The following SORBS2 variants were observed in gnomAD, a reference collection of about 807,000 sequenced individuals.
The protein encoded by SORBS2 is sorbin and SH3 domain-containing protein 2.
SORBS2 carries 46 observed loss-of-function variants against 97.7 expected under a neutral mutation model. That is an observed-to-expected ratio of 0.47 (90% CI 0.37 to 0.60). The LOEUF is 0.60. SORBS2 is among the 20% of genes least tolerant of loss of function. The pLI is 0.00. For missense variants in SORBS2, 1,316 were observed against 1,282.3 expected, an observed-to-expected ratio of 1.03 and a Z score of -0.40; for synonymous variants, 476 against 473.4, an observed-to-expected ratio of 1.01 and a Z score of -0.07.
Position 185,770,969 on chromosome 4 carries a change from C to T in SORBS2, c.-198+4258G>A, listed in dbSNP as rs1225183185. The T allele has an allele frequency of 6.5e-5, 7 of 107,354 alleles. No individual in the cohort carries two copies. The South Asian group carries it at 1.0e-3, about 15-fold the overall frequency. 6.7% of individuals were successfully genotyped at this position (107,354 alleles called of 1,614,324 possible). A position where few individuals can be genotyped will look rare whatever the true frequency, so the allele number is the denominator to read the frequency against. ...TTAATCCTTTCCCTGGCATTTTCAT[C>T]GTTTCCTTTTTTTTTTTTTTTTTTT... On this transcript the variant is annotated intron_variant, in intron 2 of 20. Coordinates refer to the SORBS2 transcript ENST00000284776.
At chr4:185,827,252 T>C (rs1335981434) in intron 1 of SORBS2, among the ~76,000 whole-genome samples, 2 of 49,584 alleles carry the variant, frequency 4.0e-5, no homozygotes, top group African/African-American at 6.5e-5. Context: ...ACCACCATCA[T>C]CATCACCATC....
At chr4:185,674,060 C>T (rs2097759259) in intron 4 of SORBS2, among the ~76,000 whole-genome samples, 1 of 152,196 alleles carries the variant, frequency 6.6e-6, no homozygotes, top group African/African-American at 2.4e-5. Context: ...TGATCTCACT[C>T]TGTCTCATGG....
chr4:185,662,931 C>G (rs2097542077), intron 4 of SORBS2, among the ~76,000 whole-genome samples: 1 of 152,040 alleles, frequency 6.6e-6, no homozygotes, highest in Non-Finnish European at 1.5e-5. Context: ...ATTTTATATC[C>G]CCAATGGTAT....
chr4:185,646,402 C>T (rs1050787946), intron 4 of SORBS2: 18 of 310,836 alleles, frequency 5.8e-5, no homozygotes, highest in African/African-American at 3.1e-4. Context: ...TGTATATACA[C>T]CTGCATGTGT....
intron 2 of SORBS2, among the ~76,000 whole-genome samples, chr4:185,695,620 G>C (rs898342635): frequency 6.6e-6 from 1 of 151,942 alleles, no homozygotes; most frequent in African/African-American, 2.4e-5. Flanking sequence ...GGGATCATTT[G>C]TAGCACTCTC....
chr4:185,600,432 G>A (rs887858247), intron 12 of SORBS2, among the ~76,000 whole-genome samples: 29 of 152,220 alleles, frequency 1.9e-4, no homozygotes, highest in African/African-American at 6.0e-4. Flanking sequence ...TCCATCTCCC[G>A]GGTTCGAGCG....
At chr4:185,941,979 G>A (rs2871496) in intron 1 of SORBS2, among the ~76,000 whole-genome samples, 108,364 of 151,716 alleles carry the variant, frequency 0.71, 39,172 homozygotes, top group East Asian at 0.93. Context: ...TGCCAGGTGT[G>A]GTTGTGCACG....
intron 1 of SORBS2, among the ~76,000 whole-genome samples, chr4:185,866,013 G>T (rs1278961722): frequency 2.0e-5 from 3 of 152,196 alleles, no homozygotes; most frequent in Non-Finnish European, 2.9e-5. Context: ...AGGAAATGCA[G>T]GTTTTGATAT....
At chr4:185,639,721 T>A (rs1348128478) in intron 4 of SORBS2, among the ~76,000 whole-genome samples, 1 of 152,160 alleles carries the variant, frequency 6.6e-6, no homozygotes, top group Non-Finnish European at 1.5e-5. Flanking sequence ...TAAGAAAAAT[T>A]ATATGGTTCC....
intron 1 of SORBS2, among the ~76,000 whole-genome samples, chr4:185,903,194 G>A (rs956629324): frequency 1.6e-4 from 25 of 152,144 alleles, no homozygotes; most frequent in African/African-American, 6.0e-4. Context: ...TGATTTTGGG[G>A]GGGCATGCCA....
intron 1 of SORBS2, among the ~76,000 whole-genome samples, chr4:185,867,170 C>A (rs1371940678): frequency 6.6e-6 from 1 of 152,110 alleles, no homozygotes; most frequent in Non-Finnish European, 1.5e-5. Context: ...CACCACCACA[C>A]TCGGCTAATT....
At chr4:185,771,374 G>C (rs1429814694) in intron 2 of SORBS2, 1 of 152,188 alleles carries the variant, frequency 6.6e-6, no homozygotes, top group African/African-American at 2.4e-5. Context: ...TGGTTAGTGA[G>C]AGCTTCCTTG....
chr4:185,804,990 C>T lies in SORBS2; in HGVS notation c.-337-29624G>A, dbSNP rs187047329. Among the ~76,000 whole-genome samples, 373 of 152,054 alleles carry T rather than the reference C, an allele frequency of 2.5e-3. 1 individual carries two copies. Among genetic ancestry groups the T allele is most frequent in the African/African-American group, 8.7e-3 (363 of 41,510 alleles). On this transcript the variant is annotated intron_variant, in intron 1 of 20. Transcript: ENST00000284776. ...TCAATTTTATAACTCTGGATTTAAA[C>T]TTTTCTTTCTTATTCTTTTTTATTT...
exon 5 of SORBS2, chr4:185,662,223 C>T: frequency 6.2e-7 from 1 of 1,610,988 alleles, no homozygotes; most frequent in Non-Finnish European, 8.5e-7. Context: ...TCCTGAGTTT[C>T]CATTCACTGT....
intron 2 of SORBS2, among the ~76,000 whole-genome samples, chr4:185,694,723 T>TTTTTTTTTTTTTTTTTTC (rs1489055314): frequency 6.8e-6 from 1 of 147,472 alleles, no homozygotes; most frequent in Non-Finnish European, 1.5e-5. Context: ...TTTCTTTTTT[T>TTTTTTTTTTTTTTTTTTC]TGAGACGGAG....
intron 1 of SORBS2, among the ~76,000 whole-genome samples, chr4:185,803,068 A>G (rs933339789): frequency 6.6e-6 from 1 of 152,118 alleles, no homozygotes; most frequent in Non-Finnish European, 1.5e-5. Flanking sequence ...ATTGGTAACA[A>G]ATACTTAGAG....
At chr4:185,860,484 G>A (rs769267033) in intron 1 of SORBS2, among the ~76,000 whole-genome samples, 14 of 152,162 alleles carry the variant, frequency 9.2e-5, no homozygotes, top group Non-Finnish European at 1.6e-4. Flanking sequence ...GAAGAGTTGT[G>A]GGAGCATCTG....
At chr4:185,678,626 C>A in intron 3 of SORBS2, 79 bp from the exon 7 acceptor site, 8 of 1,404,990 alleles carry the variant, frequency 5.7e-6, no homozygotes, top group East Asian at 2.5e-5. Context: ...ATTTTTATTT[C>A]CAAAATCATT....
chr4:185,842,930 T>TAAAAAAAAAAA (rs56193107), intron 1 of SORBS2, among the ~76,000 whole-genome samples: 1 of 122,386 alleles, frequency 8.2e-6, no homozygotes, highest in Non-Finnish European at 1.7e-5. Flanking sequence ...AAAGACTGTC[T>TAAAAAAAAAAA]AAAAAAAAAA....
Sources: allele counts gnomAD v4.1 joint callset (sites outside exome capture counted in the v4.1 genomes callset), GRCh38; gene constraint gnomAD v4.1.1; transcripts MANE v1.5; gene names NCBI Gene and HGNC (gene_info 2026-07-23, HGNC 2026-07-21).